Variants in XRCC5 observed in about 807,000 individuals in gnomAD.
XRCC5 encodes DNA repair protein Ku80.
XRCC5 carries 12 observed loss-of-function variants against 95.7 expected under a neutral mutation model. The observed-to-expected ratio is 0.13, with a 90% confidence interval of 0.08 to 0.20. The LOEUF is 0.20. Among genes scored for constraint, XRCC5 ranks in the 10% least tolerant of loss-of-function variants. The pLI, the probability that XRCC5 is intolerant of heterozygous loss-of-function variation, is 1.00. For missense variants in XRCC5, 595 were observed against 873.9 expected, an observed-to-expected ratio of 0.68 and a Z score of 4.02; for synonymous variants, 281 against 290.3, an observed-to-expected ratio of 0.97 and a Z score of 0.33.
rs755967499 is a variant in XRCC5 at position 216,116,823 on chromosome 2, A to G, written c.300A>G (p.Pro100=). Residue 100 remains proline (P), a synonymous_variant, in exon 3 of 21, where the codon CCA becomes CCG. Transcript: ENST00000392132. ...AGGACATTGAAAGCAAAATCCAACCAGGTTCTCAACAGGCTGACTGTATCC... is the reference window on the plus strand; with the variant it reads ...AGGACATTGAAAGCAAAATCCAACCGGGTTCTCAACAGGCTGACTGTATCC... ...LLEDIESKIQ[P]GSQQADFLDA... 60 of 1,614,024 alleles carry G rather than the reference A, an allele frequency of 3.7e-5. No individual in the cohort carries two copies. Among genetic ancestry groups the G allele is most frequent in the Non-Finnish European group, 4.7e-5 (56 of 1,179,998 alleles).
At chr2:216,191,030 T>C (rs988489757) in intron 17 of XRCC5, among the ~76,000 whole-genome samples, 1 of 152,174 alleles carries the variant, frequency 6.6e-6, no homozygotes, top group African/African-American at 2.4e-5. Context: ...ATTTAGGTGC[T>C]TACAAAGAGT....
In XRCC5 at chr2:216,109,348, G is replaced by T; in HGVS notation, c.-89G>T. On this transcript the variant is annotated 5_prime_UTR_variant, in exon 1 of 21. Transcript: ENST00000392132. ...AGCAGGAAACGAAGCGGCTCTTTCC[G>T]CTATCTGCCGCTTGTCCACCGGAAG... The T allele has an allele frequency of 1.2e-6, 2 of 1,600,832 alleles. No individual in the cohort carries two copies. Among genetic ancestry groups the T allele is most frequent in the Non-Finnish European group, 1.7e-6 (2 of 1,173,578 alleles).
At chr2:216,110,593 C>A (rs1053276859) in intron 1 of XRCC5, 1 of 152,192 alleles carries the variant, frequency 6.6e-6, no homozygotes, top group Non-Finnish European at 1.5e-5. Flanking sequence ...GTTTCTCTTT[C>A]TCAGTTTTCT....
chr2:216,173,405 T>C (rs1290277611), intron 16 of XRCC5, among the ~76,000 whole-genome samples: 2 of 152,184 alleles, frequency 1.3e-5, no homozygotes, highest in Non-Finnish European at 2.9e-5. Context: ...TATTTCTAAT[T>C]GGTTGAAAGT....
At chr2:216,187,274 T>C (rs1371031407) in intron 16 of XRCC5, among the ~76,000 whole-genome samples, 1 of 151,774 alleles carries the variant, frequency 6.6e-6, no homozygotes, top group African/African-American at 2.4e-5. Flanking sequence ...TAAATCCACA[T>C]AGGCCCACAG....
chr2:216,184,399 A>C (rs191217676), intron 16 of XRCC5, among the ~76,000 whole-genome samples: 1 of 152,334 alleles, frequency 6.6e-6, no homozygotes, highest in East Asian at 1.9e-4. Flanking sequence ...CTTTTAATTG[A>C]ATTTCATTGT....
chr2:216,187,201 A>G (rs748943458), intron 16 of XRCC5, among the ~76,000 whole-genome samples: 8 of 152,168 alleles, frequency 5.3e-5, no homozygotes, highest in Admixed American at 2.0e-4. Context: ...ATGTTTATCC[A>G]TCTGTGTTTC....
intron 16 of XRCC5, chr2:216,175,803 G>T: frequency 2.3e-6 from 1 of 440,250 alleles, no homozygotes; most frequent in Admixed American, 2.7e-5. Context: ...AAAGCCCCTG[G>T]AATGTTTGCT....
rs780726413 is a variant in XRCC5, at chr2:216,179,430, C to T, written c.1835-10795C>T. On this transcript the variant is annotated intron_variant, in intron 16 of 20. Transcript: ENST00000392132. ...TTTGGTAAGGACAGGAATGTGGGGG[C>T]GGGGTGGGGATACTATTCAGCCCAT... Among the ~76,000 whole-genome samples, 18 of 151,784 alleles carry T rather than the reference C, an allele frequency of 1.2e-4. No individual in the cohort carries two copies. The South Asian group carries it at 1.7e-3, about 14-fold the overall frequency.
chr2:216,193,077 A>C (rs183035519), intron 18 of XRCC5, among the ~76,000 whole-genome samples: 2 of 152,234 alleles, frequency 1.3e-5, no homozygotes, highest in East Asian at 3.9e-4. Flanking sequence ...TCCTTAGGCC[A>C]TTTCAGTCCT....
chr2:216,205,351 G>A lies in XRCC5; in HGVS notation c.*149G>A, dbSNP rs1689924749. 1 of 863,272 alleles carries A rather than the reference G, an allele frequency of 1.2e-6. No homozygotes were observed. The highest frequency in any genetic ancestry group is 2.0e-6 in the Non-Finnish European group (1 of 507,638). 53.5% of individuals were successfully genotyped at this position (863,272 alleles called of 1,614,324 possible). A position where few individuals can be genotyped will look rare whatever the true frequency, so the allele number is the denominator to read the frequency against. On this transcript the variant is annotated 3_prime_UTR_variant, in exon 21 of 21. Transcript: ENST00000392132. ...CTGGAGGCGGATCATCTAATTCTCT[G>A]TGGAATGAATACACACATATATATT...
rs551355352 is a variant in XRCC5 at position 216,117,208 on chromosome 2, C to T, written c.319+366C>T. The T allele has an allele frequency of 2.0e-5, 4 of 199,234 alleles. No individual in the cohort carries two copies. The East Asian group carries it at 4.8e-4, about 24-fold the overall frequency. The allele number at this position is 199,234 out of a possible 1,614,324, so 12.3% of individuals were successfully genotyped here. ...GAAAATATTTTTAGAAGAGCATCCT[C>T]CCAATGTTCTCTCCTTTTTTTCTGG... On this transcript the variant is annotated intron_variant, in intron 3 of 20. Transcript: ENST00000392132.
chr2:216,204,738 C>A (rs2106056884), intron 20 of XRCC5, among the ~76,000 whole-genome samples: 1 of 152,266 alleles, frequency 6.6e-6, no homozygotes, highest in Non-Finnish European at 1.5e-5. Context: ...ATACAACATG[C>A]AGTTTGTGTG....
In XRCC5 at chr2:216,126,000, A is replaced by G; in HGVS notation, c.767A>G (p.Asn256Ser). The G allele has an allele frequency of 1.2e-6, 2 of 1,613,932 alleles. No homozygotes were observed. Among genetic ancestry groups the G allele is most frequent in the South Asian group, 1.1e-5 (1 of 91,084 alleles). ...HWPCRLTIGSNLSIRIAAYKS... is the reference protein window; with the variant it reads ...HWPCRLTIGSSLSIRIAAYKS... ...CCCTGCCGACTGACCATTGGCTCCA[A>G]TTTGTCTATAAGGATTGCAGCCTAT... Residue 256 changes from asparagine (N) to serine (S), a missense_variant, in exon 7 of 21, where the codon AAT becomes AGT. By Grantham distance (46) the Asn-to-Ser change is conservative. This residue lies in a region of XRCC5 where 286 missense variants were observed against 491.1 expected (regional missense o/e 0.58). Coordinates refer to ENST00000392132, the MANE Select transcript of XRCC5 (RefSeq NM_021141.4).
chr2:216,117,468 A>G (rs777201847), intron 3 of XRCC5: 4 of 439,002 alleles, frequency 9.1e-6, no homozygotes, highest in Non-Finnish European at 1.7e-5. Context: ...TGGGTTCTAG[A>G]TACTATTAAA....
Position 216,132,344 on chromosome 2 carries a change from T to C in XRCC5, c.1070T>C (p.Met357Thr), listed in dbSNP as rs747514743. ...KSSQVQRRFF[M>T]GNQVLKVFAA... ...TTGTAGGTTCAGAGAAGATTCTTCA[T>C]GGGAAATCAAGTTCTAAAGGTCTTT... is the stretch of plus-strand genomic sequence containing the variant. Residue 357 changes from methionine (M) to threonine (T), a missense_variant, in exon 10 of 21, where the codon ATG becomes ACG. By Grantham distance (81) the Met-to-Thr change is moderately conservative (BLOSUM62 -1). Transcript: ENST00000392132. 2 of 1,614,026 alleles carry C rather than the reference T, an allele frequency of 1.2e-6. No individual in the cohort carries two copies. Among genetic ancestry groups the C allele is most frequent in the East Asian group, 2.2e-5 (1 of 44,872 alleles).
intron 12 of XRCC5, among the ~76,000 whole-genome samples, chr2:216,140,222 CTTTTA>C (rs1697150758): frequency 6.6e-6 from 1 of 152,144 alleles, no homozygotes; most frequent in African/African-American, 2.4e-5. Flanking sequence ...TCTGTATGCT[CTTTTA>C]TTTTGTTGTA....
rs41296815 is a variant in XRCC5, at chr2:216,203,268, T to C, written c.2110-1054T>C. Among the ~76,000 whole-genome samples the C allele has an allele frequency of 8.4e-3, 1,281 of 152,320 alleles. 14 individuals carry two copies. The highest frequency in any genetic ancestry group is 0.029 in the African/African-American group (1,224 of 41,558). On this transcript the variant is annotated intron_variant, in intron 19 of 20. Coordinates refer to ENST00000392132, the MANE Select transcript of XRCC5 (RefSeq NM_021141.4). The stretch of plus-strand genomic sequence containing the variant: ...TCAGTTGTGGTACCATAACTGATTC[T>C]CTATTTACTGTTTCTGGCCCCCAAA...
intron 16 of XRCC5, among the ~76,000 whole-genome samples, chr2:216,186,416 A>G (rs1259315901): frequency 6.6e-6 from 1 of 152,210 alleles, no homozygotes; most frequent in African/African-American, 2.4e-5. Flanking sequence ...CTCTTCTGTA[A>G]CATTTCTAAA....
Sources: gnomAD v4.1 joint callset for allele counts (sites outside exome capture counted in the v4.1 genomes callset) on GRCh38, gnomAD v4.1.1 for gene constraint, gnomAD v4.1.1 regional missense constraint, MANE v1.5 for transcripts, NCBI Gene and HGNC (gene_info 2026-07-23, HGNC 2026-07-21) for gene names.